The following B3GNT3 variants were observed in gnomAD, a reference collection of about 807,000 sequenced individuals.
B3GNT3 encodes N-acetyllactosaminide beta-1,3-N-acetylglucosaminyltransferase 3.
Under a neutral mutation model 11.6 loss-of-function variants are expected in B3GNT3, and 7 were observed. The observed-to-expected ratio is 0.60, with a 90% CI of 0.34 to 1.13. The LOEUF is 1.13. Ranked by LOEUF, B3GNT3 falls within the 50% of genes most tolerant of loss-of-function variation. The pLI is 0.03. For missense variants in B3GNT3, 400 were observed against 507.4 expected, an observed-to-expected ratio of 0.79 and a Z score of 2.03; for synonymous variants, 201 against 222.1, an observed-to-expected ratio of 0.90 and a Z score of 0.85.
rs138588406 is a variant in B3GNT3, at chr19:17,811,920, T to A, written c.917T>A (p.Leu306His). The A allele has an allele frequency of 3.1e-6, 5 of 1,613,350 alleles. No individual in the cohort carries two copies. Among genetic ancestry groups the A allele is most frequent in the East Asian group, 4.5e-5 (2 of 44,882 alleles). The change falls in exon 3 of 3, where the codon CTT (leucine) becomes CAT (histidine). Residue 306 changes from leucine (L) to histidine (H), a missense_variant. Leu to His is a moderately conservative substitution (Grantham distance 99). Coordinates refer to ENST00000318683, the MANE Select transcript of B3GNT3 (RefSeq NM_014256.4). This position sits in a 1 kb window ranked among gnomAD's most constrained non-coding sequence, Gnocchi z 4.1. ...DDVFLGMCLE[L>H]EGLKPASHSG... ...GTCTTCCTGGGTATGTGTCTGGAGC[T>A]TGAGGGACTGAAGCCTGCCTCCCAC...
intron 1 of B3GNT3, among the ~76,000 whole-genome samples, chr19:17,803,393 G>T (rs1373080279): frequency 1.3e-5 from 2 of 152,176 alleles, no homozygotes; most frequent in Non-Finnish European, 2.9e-5. Context: ...CCCACATCCT[G>T]CAGCCACACC....
chr19:17,795,424 G>A (rs2094158388), intron 1 of B3GNT3, among the ~76,000 whole-genome samples: 1 of 152,244 alleles, frequency 6.6e-6, no homozygotes, highest in South Asian at 2.1e-4. Flanking sequence ...CTGGGTCGGG[G>A]AGGAAGCCTC....
intron 1 of B3GNT3, among the ~76,000 whole-genome samples, chr19:17,796,281 C>T (rs773505172): frequency 2.6e-5 from 4 of 152,148 alleles, no homozygotes; most frequent in Middle Eastern, 3.4e-3. Flanking sequence ...TGTGTGGAGA[C>T]GGGGTCTCAC....
At chr19:17,805,463 C>T (rs2094171951) in intron 1 of B3GNT3, among the ~76,000 whole-genome samples, 1 of 152,144 alleles carries the variant, frequency 6.6e-6, no homozygotes, top group Admixed American at 6.6e-5. Context: ...CCCTCCATGG[C>T]TCCTCATTGC....
chr19:17,810,289 G>A (rs907362863), intron 2 of B3GNT3, among the ~76,000 whole-genome samples: 5 of 151,016 alleles, frequency 3.3e-5, no homozygotes, highest in Non-Finnish European at 5.9e-5. Context: ...CCAGGAGTTC[G>A]AGACCAGCTT....
intron 1 of B3GNT3, among the ~76,000 whole-genome samples, chr19:17,804,948 C>G (rs2094171309): frequency 6.6e-6 from 1 of 151,384 alleles, no homozygotes; most frequent in East Asian, 2.0e-4. Flanking sequence ...AGATGTTACC[C>G]AATCTCCCCC....
chr19:17,802,115 AC>A (rs549732500), intron 1 of B3GNT3, among the ~76,000 whole-genome samples: 6 of 151,716 alleles, frequency 4.0e-5, no homozygotes, highest in Non-Finnish European at 8.8e-5. Flanking sequence ...CATTGTAGAG[AC>A]AGGGTCTTGC....
intron 1 of B3GNT3, among the ~76,000 whole-genome samples, chr19:17,804,537 T>TTTTTTTC (rs2094170628): frequency 8.3e-6 from 1 of 121,086 alleles, no homozygotes. Context: ...GCCCAGCTTT[T>TTTTTTTC]TTTTTTTTTT....
At position 17,811,955 on chromosome 19, in the gene B3GNT3, C is replaced by G. The variant is rs758025993; in HGVS notation, c.952C>G (p.Arg318Gly). 1 of 1,610,492 alleles carries G rather than the reference C, an allele frequency of 6.2e-7. No homozygotes were observed. The highest frequency in any genetic ancestry group is 1.1e-5 in the South Asian group (1 of 91,090). ...GLKPASHSGI[R>G]TSGVRAPSQR... ...GAAGCCTGCCTCCCACAGCGGCATC[C>G]GCACGTCTGGCGTGCGGGCTCCATC... is the stretch of plus-strand genomic sequence containing the variant. The change falls in exon 3 of 3, where the codon CGC becomes GGC. Residue 318 changes from arginine (R) to glycine (G), a missense_variant. Arg to Gly is a moderately radical substitution (Grantham distance 125). Coordinates refer to ENST00000318683, the MANE Select transcript of B3GNT3 (RefSeq NM_014256.4). The surrounding 1 kb of genome is among the most constrained non-coding windows in gnomAD (Gnocchi z 4.1).
intron 1 of B3GNT3, among the ~76,000 whole-genome samples, chr19:17,799,320 G>C (rs1052363712): frequency 1.4e-5 from 2 of 147,854 alleles, no homozygotes; most frequent in Non-Finnish European, 3.0e-5. Context: ...CCGGGCTGGA[G>C]TGCAGTGGCG....
chr19:17,810,576 G>C (rs771137768), intron 2 of B3GNT3, among the ~76,000 whole-genome samples: 35 of 151,896 alleles, frequency 2.3e-4, no homozygotes, highest in Non-Finnish European at 3.8e-4. Flanking sequence ...TTTGGTGGGA[G>C]AGGGGGATGT....
At chr19:17,807,147 T>TGTGTGTGTGTGTGTGTGTGTGTGTGTGTG (rs1290665537) in intron 1 of B3GNT3, among the ~76,000 whole-genome samples, 4 of 149,066 alleles carry the variant, frequency 2.7e-5, no homozygotes, top group South Asian at 2.1e-4. Flanking sequence ...TGTGTGTGTA[T>TGTGTGTGTGTGTGTGTGTGTGTGTGTGTG]TGGAGCAGGA....
chr19:17,810,319 A>G (rs934940857), intron 2 of B3GNT3, among the ~76,000 whole-genome samples: 3 of 151,924 alleles, frequency 2.0e-5, no homozygotes, highest in African/African-American at 7.3e-5. Context: ...CTAAGGCAGC[A>G]GGATCGCTTG....
In B3GNT3 at chr19:17,807,768, G is replaced by T; in HGVS notation, c.-40G>T. 6.4e-7 allele frequency: 1 copy of T among 1,569,566 alleles called. No homozygotes were observed. Among genetic ancestry groups the T allele is most frequent in the South Asian group, 1.2e-5 (1 of 86,262 alleles). ...TTTTGTTTTCCACAGGAGCCGCCCA[G>T]GAGGCTCCTCAGGCCGACCCCAGAC... On this transcript the variant is annotated 5_prime_UTR_variant, in exon 2 of 3. The change creates a new upstream start codon in the 5' untranslated region. Transcript: ENST00000318683.
At chr19:17,808,484 C>A in intron 2 of B3GNT3, 110 bp downstream of exon 2, 1 of 1,125,436 alleles carries the variant, frequency 8.9e-7, no homozygotes, top group Non-Finnish European at 1.2e-6. Context: ...TCCATCACAG[C>A]CCATTCTGCC....
rs1008719210 is a variant in B3GNT3, at chr19:17,799,892, G to A, written c.-51+4686G>A. ...ATCTGGAAAGTGGGAGTTTCACAGGGAGAATTACCTTAATGCTATGGAGAC... is the reference window on the plus strand; with the variant it reads ...ATCTGGAAAGTGGGAGTTTCACAGGAAGAATTACCTTAATGCTATGGAGAC... On this transcript the variant is annotated intron_variant, in intron 1 of 2. Coordinates refer to ENST00000318683, the MANE Select transcript of B3GNT3 (RefSeq NM_014256.4). Among the ~76,000 whole-genome samples the A allele has an allele frequency of 3.9e-5, 6 of 152,218 alleles. No individual in the cohort carries two copies. In the East Asian group the frequency reaches 1.2e-3, roughly 29 times the overall value.
chr19:17,811,992 C>G lies in B3GNT3; in HGVS notation c.989C>G (p.Ser330Cys). Reference protein sequence around the residue: ...SGVRAPSQRLSSFDPCFYRDL... With the variant: ...SGVRAPSQRLCSFDPCFYRDL... ...GTGCGGGCTCCATCGCAACGCCTGTCCTCCTTTGACCCCTGCTTCTACCGA... is the reference window on the plus strand; with the variant it reads ...GTGCGGGCTCCATCGCAACGCCTGTGCTCCTTTGACCCCTGCTTCTACCGA... Residue 330 changes from serine to cysteine, a missense_variant, in exon 3 of 3, where the codon TCC becomes TGC. Physicochemically the swap from Ser to Cys is moderately radical, Grantham distance 112. Transcript: ENST00000318683. This position sits in a 1 kb window ranked among gnomAD's most constrained non-coding sequence, Gnocchi z 4.1. 1 of 1,602,662 alleles carries G rather than the reference C, an allele frequency of 6.2e-7. No homozygotes were observed. The highest frequency in any genetic ancestry group is 1.1e-5 in the South Asian group (1 of 91,090).
At chr19:17,810,097 G>A (rs36687) in intron 2 of B3GNT3, among the ~76,000 whole-genome samples, 31,569 of 152,052 alleles carry the variant, frequency 0.21, 3,467 homozygotes, top group South Asian at 0.25. Context: ...CAAGCACAGC[G>A]CCCGGCAACA....
chr19:17,802,228 C>T (rs1032136243), intron 1 of B3GNT3, among the ~76,000 whole-genome samples: 2 of 152,168 alleles, frequency 1.3e-5, no homozygotes, highest in South Asian at 2.1e-4. Context: ...GACTGAATCA[C>T]GGGTGCCCAA....
Sources: allele counts gnomAD v4.1 joint callset (sites outside exome capture counted in the v4.1 genomes callset), GRCh38; gene constraint gnomAD v4.1.1; non-coding constraint Gnocchi (gnomAD v3.1); transcripts MANE v1.5; gene names NCBI Gene and HGNC (gene_info 2026-07-23, HGNC 2026-07-21).